The following CYP2U1 variants were observed in gnomAD, a reference collection of about 807,000 sequenced individuals.
CYP2U1 encodes the protein cytochrome P450 family 2 subfamily U member 1, also known as cytochrome P450 2U1.
CYP2U1 carries 28 observed loss-of-function variants against 42.8 expected under a neutral mutation model. The ratio of observed to expected loss-of-function variants is 0.65; its 90% CI spans 0.48 to 0.90. The LOEUF (loss-of-function observed/expected upper bound fraction) is 0.90, where lower values mean the gene tolerates loss of function less well. CYP2U1 is among the 40% of genes least tolerant of loss of function. The probability of loss-of-function intolerance (pLI) is 0.00; values close to 1 mark genes in which losing one functional copy is unlikely to be tolerated. For missense variants in CYP2U1, 642 were observed against 693.8 expected (o/e 0.93, Z 0.84); for synonymous variants, 296 against 278.9 (o/e 1.06, Z -0.61).
At position 107,942,185 on chromosome 4, in the gene CYP2U1, T is replaced by C. The variant is rs1487743441; in HGVS notation, c.491-2785T>C. ...CTCTCCTGGGGTCTTGGTGGCCACA[T>C]CCAGAGACAAACAGTCTCAGACTGG... On this transcript the variant is annotated intron_variant, in intron 1 of 4. Coordinates refer to ENST00000332884, the MANE Select transcript of CYP2U1 (RefSeq NM_183075.3). Among the ~76,000 whole-genome samples the C allele has an allele frequency of 4.6e-5, 7 of 152,098 alleles. No homozygotes were observed. In the South Asian group the frequency reaches 1.2e-3, roughly 27 times the overall value.
Position 107,945,062 on chromosome 4 carries a change from T to C in CYP2U1, c.583T>C (p.Leu195=). The C allele has an allele frequency of 1.2e-6, 2 of 1,613,668 alleles. No individual in the cohort carries two copies. Among genetic ancestry groups the C allele is most frequent in the Non-Finnish European group, 1.7e-6 (2 of 1,179,932 alleles). ...TCATTTTGGGTTGGGAAAACTTAGC[T>C]TGGAGCCCAAGATTATTGAGGAGTT... is the stretch of plus-strand genomic sequence containing the variant. ...LRHFGLGKLS[L]EPKIIEEFKY... Residue 195 remains leucine, a synonymous_variant, in exon 2 of 5, where the codon TTG becomes CTG. Coordinates refer to ENST00000332884, the MANE Select transcript of CYP2U1 (RefSeq NM_183075.3).
rs1305051550 is a variant in CYP2U1, at chr4:107,938,245, T to C, written c.490+6112T>C. ...TTCTAACCTTTTTGTAACTGGTTAA[T>C]CTGTAGGCCAGGCACAGAACTCAAC... On this transcript the variant is annotated intron_variant, in intron 1 of 4. Coordinates refer to ENST00000332884, the MANE Select transcript of CYP2U1 (RefSeq NM_183075.3). 5 of 152,258 alleles carry C rather than the reference T, an allele frequency of 3.3e-5. No individual in the cohort carries two copies. The East Asian group carries it at 7.7e-4, about 23-fold the overall frequency. 9.4% of individuals were successfully genotyped at this position (152,258 alleles called of 1,614,324 possible).
chr4:107,944,905 G>A (rs1007228791), intron 1 of CYP2U1, 65 bp from the exon 2 acceptor site: 45 of 1,442,340 alleles, frequency 3.1e-5, no homozygotes, highest in Non-Finnish European at 3.7e-5. Flanking sequence ...GCACTCCGTG[G>A]TAGGTCTGTT....
At chr4:107,946,793 A>G (rs1455153995) in intron 2 of CYP2U1, among the ~76,000 whole-genome samples, 1 of 151,976 alleles carries the variant, frequency 6.6e-6, no homozygotes, top group Non-Finnish European at 1.5e-5. Flanking sequence ...CCATATGACT[A>G]TTGGCCAAGT....
At chr4:107,936,567 T>A (rs576544944) in intron 1 of CYP2U1, 15 of 153,036 alleles carry the variant, frequency 9.8e-5, no homozygotes, top group African/African-American at 3.4e-4. Flanking sequence ...CTTCCCAGCC[T>A]TCAGAACTGT....
chr4:107,942,524 T>A (rs1733534161), intron 1 of CYP2U1, among the ~76,000 whole-genome samples: 1 of 152,182 alleles, frequency 6.6e-6, no homozygotes, highest in African/African-American at 2.4e-5. Context: ...ACTATTTATA[T>A]CTTATTATAA....
chr4:107,931,628 CGCCGGCGCCCGGACCATGTCGTCTCCGGG>C lies in CYP2U1; in HGVS notation c.-11_18del. ...CCAGGCAGCAAGGGGAACCCGAGGC[CGCCGGCGCCCGGACCATGTCGTCTCCGGG>C]GCCGTCGCAGCCGCCGGCCGAGGAC... On this transcript the variant is annotated start_lost and 5_prime_UTR_variant, in exon 1 of 5. Transcript: ENST00000332884. The C allele has an allele frequency of 8.0e-7, 1 of 1,251,984 alleles. No homozygotes were observed. Among genetic ancestry groups the C allele is most frequent in the African/African-American group, 1.6e-5 (1 of 64,494 alleles). 77.6% of individuals were successfully genotyped at this position (1,251,984 alleles called of 1,614,324 possible). A position where few individuals can be genotyped will look rare whatever the true frequency, so the allele number is the denominator to read the frequency against.
intron 4 of CYP2U1, among the ~76,000 whole-genome samples, chr4:107,949,786 T>G (rs1733844908): frequency 6.6e-6 from 1 of 152,144 alleles, no homozygotes; most frequent in Non-Finnish European, 1.5e-5. Flanking sequence ...TAAGAGCAAT[T>G]TCTGATCTGG....
intron 1 of CYP2U1, 57 bp from the exon 2 acceptor site, chr4:107,944,913 G>C: frequency 6.6e-7 from 1 of 1,510,430 alleles, no homozygotes; most frequent in Non-Finnish European, 8.8e-7. Context: ...TGGTAGGTCT[G>C]TTCAGTGTTA....
At chr4:107,948,561 T>C (rs1733793821) in intron 3 of CYP2U1, among the ~76,000 whole-genome samples, 1 of 151,894 alleles carries the variant, frequency 6.6e-6, no homozygotes. Context: ...GGTGACAGAG[T>C]GAGACAGCCT....
In CYP2U1 at chr4:107,945,617, G is replaced by A; in HGVS notation, c.1126+12G>A. ...CCCCGATGTACAAGGTAATTAATAGGTGTTTCCTTTGTTCATGGCAAAACC... is the reference window on the plus strand; with the variant it reads ...CCCCGATGTACAAGGTAATTAATAGATGTTTCCTTTGTTCATGGCAAAACC... On this transcript the variant is annotated intron_variant, in intron 2 of 4. Transcript: ENST00000332884. 2.6e-6 allele frequency: 4 copies of A among 1,541,446 alleles called. No individual in the cohort carries two copies. The South Asian group carries it at 3.9e-5, about 15-fold the overall frequency.
chr4:107,947,300 G>T (rs1034010354), intron 2 of CYP2U1, 76 bp from the exon 3 acceptor site: 4 of 1,323,334 alleles, frequency 3.0e-6, no homozygotes, highest in Non-Finnish European at 4.3e-6. Flanking sequence ...TAGTGGTGAT[G>T]GAAAGTATGC....
In CYP2U1 at chr4:107,939,316, C is replaced by T. The variant is rs1733394981; in HGVS notation, c.491-5654C>T. Among the ~76,000 whole-genome samples the T allele has an allele frequency of 2.6e-5, 4 of 152,176 alleles. 1 individual carries two copies. In the South Asian group the frequency reaches 8.3e-4, roughly 32 times the overall value. On this transcript the variant is annotated intron_variant, in intron 1 of 4. Coordinates refer to ENST00000332884, the MANE Select transcript of CYP2U1 (RefSeq NM_183075.3). ...CAGAAGACTTGGTCATGGTTAAAGACAGGAGGAATGATTAAACTTTTGTAG... is the reference window on the plus strand; with the variant it reads ...CAGAAGACTTGGTCATGGTTAAAGATAGGAGGAATGATTAAACTTTTGTAG...
At position 107,950,359 on chromosome 4, in the gene CYP2U1, T is replaced by C; in HGVS notation, c.1571T>C (p.Leu524Pro). Residue 524 changes from leucine (L) to proline (P), a missense_variant, in exon 5 of 5, where the codon CTG (leucine) becomes CCG (proline). Coordinates refer to ENST00000332884, the MANE Select transcript of CYP2U1 (RefSeq NM_183075.3). ...ALPEDSKKPL[L>P]TGRFGLTLAP... The stretch of plus-strand genomic sequence containing the variant: ...CCTGAGGATTCTAAGAAGCCCCTCC[T>C]GACTGGAAGATTTGGTCTAACTTTA... The C allele has an allele frequency of 6.2e-7, 1 of 1,614,060 alleles. No homozygotes were observed. The highest frequency in any genetic ancestry group is 8.5e-7 in the Non-Finnish European group (1 of 1,179,978).
chr4:107,949,534 T>C lies in CYP2U1; in HGVS notation c.1456+17T>C, dbSNP rs2126202804. On this transcript the variant is annotated intron_variant, in intron 4 of 4. Coordinates refer to ENST00000332884, the MANE Select transcript of CYP2U1 (RefSeq NM_183075.3). ...TTGGGATAGGTCAGTTACACTTTTTTAAACTGCATAATTTTTAAAAGAAGT... is the reference window on the plus strand; with the variant it reads ...TTGGGATAGGTCAGTTACACTTTTTCAAACTGCATAATTTTTAAAAGAAGT... The C allele has an allele frequency of 1.3e-6, 2 of 1,504,664 alleles. No homozygotes were observed. The highest frequency in any genetic ancestry group is 1.8e-6 in the Non-Finnish European group (2 of 1,120,054). 93.2% of individuals were successfully genotyped at this position (1,504,664 alleles called of 1,614,324 possible).
At chr4:107,937,699 G>T (rs1328477833) in intron 1 of CYP2U1, 3 of 151,856 alleles carry the variant, frequency 2.0e-5, no homozygotes, top group Non-Finnish European at 2.9e-5. Context: ...ATCAGAGGGG[G>T]TTTCACTGTG....
At position 107,932,022 on chromosome 4, in the gene CYP2U1, G is replaced by C. The variant is rs1733009841; in HGVS notation, c.379G>C (p.Val127Leu). Residue 127 changes from valine (V) to leucine (L), a missense_variant, in exon 1 of 5, where the codon GTG becomes CTG. Transcript: ENST00000332884. ...IFSFFIGHYL[V>L]VVLSDFHSVR... ...CAGCTTCTTTATCGGCCACTACCTG[G>C]TGGTGGTCCTCAGCGACTTCCACAG... The C allele has an allele frequency of 6.4e-7, 1 of 1,564,096 alleles. No individual in the cohort carries two copies. The highest frequency in any genetic ancestry group is 8.7e-7 in the Non-Finnish European group (1 of 1,154,816).
Position 107,932,049 on chromosome 4 carries a change from G to A in CYP2U1, c.406G>A (p.Val136Met). Residue 136 changes from valine to methionine, a missense_variant, in exon 1 of 5, where the codon GTG becomes ATG. Val to Met is a conservative substitution (Grantham distance 21, BLOSUM62 1). Transcript: ENST00000332884. ...LVVVLSDFHS[V>M]REALVQQAEV... The stretch of plus-strand genomic sequence containing the variant: ...GGTGGTCCTCAGCGACTTCCACAGC[G>A]TGCGCGAGGCGCTGGTGCAGCAGGC... The A allele has an allele frequency of 6.3e-7, 1 of 1,580,358 alleles. No homozygotes were observed. The highest frequency in any genetic ancestry group is 8.6e-7 in the Non-Finnish European group (1 of 1,163,964).
chr4:107,942,732 T>C lies in CYP2U1; in HGVS notation c.491-2238T>C, dbSNP rs143562081. Among the ~76,000 whole-genome samples, 511 of 152,246 alleles carry C rather than the reference T, an allele frequency of 3.4e-3. 2 individuals carry two copies. The highest frequency in any genetic ancestry group is 8.5e-3 in the African/African-American group (351 of 41,536). ...ATGCTTGAACAATAGGTTGTCTACA[T>C]AGGGAAAAAATGTTTGGATTCCTAC... On this transcript the variant is annotated intron_variant, in intron 1 of 4. Transcript: ENST00000332884.
Sources: gnomAD v4.1 joint callset for allele counts (sites outside exome capture counted in the v4.1 genomes callset) on GRCh38, gnomAD v4.1.1 for gene constraint, MANE v1.5 for transcripts, NCBI Gene and HGNC (gene_info 2026-07-23, HGNC 2026-07-21) for gene names.